JOSD2: variants seen among roughly 807,000 people sequenced by gnomAD.
JOSD2 encodes the protein Josephin domain containing 2.
JOSD2 carries 20 observed loss-of-function variants against 19.3 expected under a neutral mutation model. The observed-to-expected ratio is 1.04, with a 90% CI of 0.73 to 1.51. The LOEUF (loss-of-function observed/expected upper bound fraction) is 1.51, where lower values mean the gene tolerates loss of function less well. Ranked by LOEUF, JOSD2 falls within the 40% of genes most tolerant of loss-of-function variation. The pLI is 0.00. For synonymous variants in JOSD2, 118 were observed against 123.7 expected, an observed-to-expected ratio of 0.95 and a Z score of 0.31; for missense variants, 215 against 250.4, an observed-to-expected ratio of 0.86 and a Z score of 0.95.
intron 2 of JOSD2, 126 bp downstream of exon 2, chr19:50,510,160 G>T: frequency 8.6e-7 from 1 of 1,159,914 alleles, no homozygotes; most frequent in Non-Finnish European, 1.2e-6. Flanking sequence ...CCAGCGTCTA[G>T]CTTAGGCAAG....
chr19:50,507,734 C>A (rs1405060640), intron 2 of JOSD2, 35 bp from the exon 3 acceptor site: 8 of 1,590,550 alleles, frequency 5.0e-6, no homozygotes, highest in African/African-American at 1.3e-5. Flanking sequence ...GAGGTGGGGA[C>A]CCCTGGAAAG....
rs138260410 is a variant in JOSD2 at position 50,510,551 on chromosome 19, G to C, written c.-17-103C>G. Reference sequence around the variant, plus strand: ...TCGCCATTGATTGAGCTGGGACTCGGAGCAGCCCAGGAAGACACTGGGCCC... The same window carrying C: ...TCGCCATTGATTGAGCTGGGACTCGCAGCAGCCCAGGAAGACACTGGGCCC... On this transcript the variant is annotated intron_variant, in intron 1 of 4. Coordinates refer to ENST00000598418, the MANE Select transcript of JOSD2 (RefSeq NM_001270639.2). The C allele has an allele frequency of 5.1e-3, 5,780 of 1,141,746 alleles. 28 individuals carry two copies. Among genetic ancestry groups the C allele is most frequent in the Non-Finnish European group, 6.3e-3 (5,168 of 820,706 alleles). The allele number at this position is 1,141,746 out of a possible 1,614,324, so 70.7% of individuals were successfully genotyped here. A position where few individuals can be genotyped will look rare whatever the true frequency, so the allele number is the denominator to read the frequency against.
At chr19:50,507,534 G>C (rs1979449976) in intron 3 of JOSD2, 40 bp downstream of exon 3, 1 of 1,519,020 alleles carries the variant, frequency 6.6e-7, no homozygotes, top group South Asian at 1.1e-5. Context: ...GGTGCCCTCT[G>C]TGCCCGGCCC....
intron 2 of JOSD2, among the ~76,000 whole-genome samples, chr19:50,508,698 CGTGTGTGTGTGTGTGTGTGTGT>C (rs58475114): frequency 3.6e-5 from 5 of 140,818 alleles, no homozygotes; most frequent in African/African-American, 8.0e-5. Context: ...GGAAAACGCT[CGTGTGTGTGTGTGTGTGTGTGT>C]GTGTGTGTGT....
chr19:50,510,290 T>C lies in JOSD2; in HGVS notation c.142A>G (p.Lys48Glu). The change falls in exon 2 of 5, where the codon AAG becomes GAG. Residue 48 changes from lysine to glutamate, a missense_variant. Coordinates refer to ENST00000598418, the MANE Select transcript of JOSD2 (RefSeq NM_001270639.2). Reference protein sequence around the residue: ...FSQEAADEICKRLAPDSRLNP... With the variant: ...FSQEAADEICERLAPDSRLNP... ...GCTGGGGTGGGTGACGGTCACCTCTTGCAGATCTCATCGGCAGCCTCCTGG... is the reference window on the plus strand; with the variant it reads ...GCTGGGGTGGGTGACGGTCACCTCTCGCAGATCTCATCGGCAGCCTCCTGG... The C allele has an allele frequency of 6.2e-7, 1 of 1,613,362 alleles. No individual in the cohort carries two copies. Among genetic ancestry groups the C allele is most frequent in the Non-Finnish European group, 8.5e-7 (1 of 1,179,978 alleles).
intron 2 of JOSD2, among the ~76,000 whole-genome samples, chr19:50,509,941 T>TA (rs1475248836): frequency 1.3e-5 from 2 of 149,412 alleles, no homozygotes; most frequent in Non-Finnish European, 3.0e-5. Context: ...TAGTCCCAGC[T>TA]ACTCGGGAGG....
At chr19:50,510,787 A>G (rs554636212) in intron 1 of JOSD2, among the ~76,000 whole-genome samples, 1 of 151,982 alleles carries the variant, frequency 6.6e-6, no homozygotes, top group East Asian at 1.9e-4. Context: ...GTGGTTACCT[A>G]GCAACAAAGC....
At chr19:50,510,146 A>G (rs917624516) in intron 2 of JOSD2, 140 bp downstream of exon 2, 5 of 948,050 alleles carry the variant, frequency 5.3e-6, no homozygotes, top group Non-Finnish European at 6.3e-6. Flanking sequence ...ATCTCCCCAG[A>G]GTCCCAGCGT....
intron 2 of JOSD2, among the ~76,000 whole-genome samples, chr19:50,508,513 C>T (rs1979520674): frequency 6.6e-6 from 1 of 152,128 alleles, no homozygotes; most frequent in South Asian, 2.1e-4. Context: ...GGTCCCCTGT[C>T]CCCAGCCACA....
At chr19:50,510,619 C>T (rs1022938813) in intron 1 of JOSD2, among the ~76,000 whole-genome samples, 171 bp from the exon 2 acceptor site, 1 of 152,112 alleles carries the variant, frequency 6.6e-6, no homozygotes, top group Non-Finnish European at 1.5e-5. Context: ...ACACGTCCCT[C>T]CATCCCTTAT....
At chr19:50,508,616 G>C (rs11672743) in intron 2 of JOSD2, among the ~76,000 whole-genome samples, 24,228 of 145,100 alleles carry the variant, frequency 0.17, 2,496 homozygotes, top group East Asian at 0.39. Flanking sequence ...GTCACCACTT[G>C]TCTCTGGGCC....
chr19:50,507,796 ACT>A, intron 2 of JOSD2, 97 bp from the exon 3 acceptor site: 4 of 1,452,142 alleles, frequency 2.8e-6, no homozygotes, highest in Non-Finnish European at 3.7e-6. Flanking sequence ...TCAGCCTTTG[ACT>A]CTCCCCGCTT....
chr19:50,509,706 G>T (rs1979619065), intron 2 of JOSD2, among the ~76,000 whole-genome samples: 1 of 151,958 alleles, frequency 6.6e-6, no homozygotes. Flanking sequence ...AGGCTGAGGT[G>T]GGAGGATCAC....
intron 1 of JOSD2, 69 bp downstream of exon 1, chr19:50,511,048 G>A (rs1979813594): frequency 2.2e-6 from 1 of 449,112 alleles, no homozygotes; most frequent in Non-Finnish European, 4.5e-6. Context: ...CGGACACCAA[G>A]GAATGGAGCC....
intron 2 of JOSD2, 163 bp downstream of exon 2, chr19:50,510,123 C>A (rs1301942277): frequency 2.8e-6 from 2 of 704,880 alleles, no homozygotes; most frequent in African/African-American, 3.7e-5. Context: ...GACAGACAGG[C>A]ACAGGAGGCA....
chr19:50,506,719 G>A (rs139269898), intron 3 of JOSD2, 147 bp from the exon 4 acceptor site: 24 of 720,734 alleles, frequency 3.3e-5, no homozygotes, highest in Non-Finnish European at 4.4e-5. Flanking sequence ...CCTGGTTCCC[G>A]ACACTCATCC....
At chr19:50,511,064 C>A (rs1409262659) in intron 1 of JOSD2, 53 bp downstream of exon 1, 2 of 451,566 alleles carry the variant, frequency 4.4e-6, no homozygotes, top group Non-Finnish European at 8.9e-6. Flanking sequence ...GAGCCCTTCG[C>A]CGACCCGCAC....
intron 2 of JOSD2, among the ~76,000 whole-genome samples, chr19:50,509,495 C>T (rs962225310): frequency 1.2e-4 from 19 of 152,096 alleles, no homozygotes; most frequent in African/African-American, 3.9e-4. Context: ...GCCCAGAGGC[C>T]GCACAGAAGG....
At chr19:50,509,404 T>C (rs1337229175) in intron 2 of JOSD2, among the ~76,000 whole-genome samples, 1 of 151,990 alleles carries the variant, frequency 6.6e-6, no homozygotes, top group Non-Finnish European at 1.5e-5. Flanking sequence ...AAGAGTGATG[T>C]TGGACATTGT....
Sources: allele counts gnomAD v4.1 joint callset (sites outside exome capture counted in the v4.1 genomes callset), GRCh38; gene constraint gnomAD v4.1.1; transcripts MANE v1.5; gene names NCBI Gene and HGNC (gene_info 2026-07-23, HGNC 2026-07-21).